Variants in RAB3GAP1 observed in about 807,000 individuals in gnomAD.
RAB3GAP1 encodes the protein RAB3 GTPase activating protein catalytic subunit 1, also known as rab3 GTPase-activating protein catalytic subunit.
In RAB3GAP1, 86 loss-of-function variants were observed where a neutral mutation model predicts 130.7. That is an observed-to-expected ratio of 0.66 (90% CI 0.55 to 0.79). The LOEUF is 0.79. Ranked by LOEUF, RAB3GAP1 falls within the 30% of genes least tolerant of loss-of-function variation. RAB3GAP1 has a pLI of 0.00. For missense variants in RAB3GAP1, 1,029 were observed against 1,169.4 expected, an observed-to-expected ratio of 0.88 and a Z score of 1.75; for synonymous variants, 367 against 401.7, an observed-to-expected ratio of 0.91 and a Z score of 1.03.
chr2:135,130,910 T>C (rs1208815573), intron 13 of RAB3GAP1, among the ~76,000 whole-genome samples, 189 bp downstream of exon 13: 1 of 152,234 alleles, frequency 6.6e-6, no homozygotes, highest in Non-Finnish European at 1.5e-5. Flanking sequence ...CCATGTTGCA[T>C]GTGAGAAATC....
chr2:135,075,684 G>A (rs1416229223), intron 3 of RAB3GAP1, among the ~76,000 whole-genome samples: 3 of 140,524 alleles, frequency 2.1e-5, no homozygotes, highest in Admixed American at 1.4e-4. Context: ...TTTTTGGGGG[G>A]GGTCACTATT....
chr2:135,157,945 G>A (rs1030844183), intron 19 of RAB3GAP1, among the ~76,000 whole-genome samples: 1 of 152,056 alleles, frequency 6.6e-6, no homozygotes, highest in African/African-American at 2.4e-5. Flanking sequence ...ATTATTGGTT[G>A]GGTGAAGTGA....
At chr2:135,072,166 C>T (rs1689493804) in intron 3 of RAB3GAP1, among the ~76,000 whole-genome samples, 2 of 152,194 alleles carry the variant, frequency 1.3e-5, no homozygotes, top group East Asian at 3.9e-4. Context: ...CTACCTCAGC[C>T]TCCCAAAGTG....
chr2:135,171,081 G>C (rs919184368), downstream of RAB3GAP1, among the ~76,000 whole-genome samples: 9 of 151,920 alleles, frequency 5.9e-5, no homozygotes, highest in African/African-American at 1.9e-4. Flanking sequence ...ACTGACAGGA[G>C]GGGGCAGAAA....
chr2:135,071,937 G>A (rs1411973311), intron 3 of RAB3GAP1, among the ~76,000 whole-genome samples: 1 of 152,096 alleles, frequency 6.6e-6, no homozygotes, highest in Non-Finnish European at 1.5e-5. Flanking sequence ...TTTTTGAAAT[G>A]AGTCTCGCTT....
chr2:135,055,621 T>C (rs975047638), intron 2 of RAB3GAP1, among the ~76,000 whole-genome samples: 40 of 147,852 alleles, frequency 2.7e-4, no homozygotes, highest in Non-Finnish European at 3.9e-4. Flanking sequence ...AGAACTGCAG[T>C]GAGCTGTGAT....
intron 3 of RAB3GAP1, among the ~76,000 whole-genome samples, chr2:135,077,086 A>G (rs1448602463): frequency 6.6e-6 from 1 of 152,152 alleles, no homozygotes; most frequent in Non-Finnish European, 1.5e-5. Flanking sequence ...CCTGGCCAAC[A>G]TGATGAAACC....
intron 4 of RAB3GAP1, among the ~76,000 whole-genome samples, 189 bp from the exon 5 acceptor site, chr2:135,093,426 T>C (rs1434237452): frequency 1.3e-5 from 2 of 152,178 alleles, no homozygotes; most frequent in Non-Finnish European, 2.9e-5. Flanking sequence ...TATAGGCTAC[T>C]TTTATTTGAA....
intron 5 of RAB3GAP1, among the ~76,000 whole-genome samples, chr2:135,095,071 CAG>C (rs1463680995): frequency 5.3e-5 from 8 of 152,072 alleles, no homozygotes; most frequent in East Asian, 3.9e-4. Flanking sequence ...TTTTGTGAAA[CAG>C]AGTCTCACTC....
intron 3 of RAB3GAP1, among the ~76,000 whole-genome samples, chr2:135,075,992 C>T (rs1306013336): frequency 6.6e-6 from 1 of 151,164 alleles, no homozygotes; most frequent in Non-Finnish European, 1.5e-5. Flanking sequence ...CTCACTGCAG[C>T]CTTCGCCTCC....
At chr2:135,084,171 G>C (rs1375628606) in intron 3 of RAB3GAP1, among the ~76,000 whole-genome samples, 4 of 152,078 alleles carry the variant, frequency 2.6e-5, no homozygotes, top group Non-Finnish European at 5.9e-5. Flanking sequence ...CTTGAACCCG[G>C]GAGGCAGAGG....
intron 17 of RAB3GAP1, among the ~76,000 whole-genome samples, chr2:135,139,957 T>G (rs1374433039): frequency 6.6e-6 from 1 of 152,236 alleles, no homozygotes; most frequent in Non-Finnish European, 1.5e-5. Flanking sequence ...CTTTGCTTAC[T>G]CTTTTGTATA....
chr2:135,145,128 T>C (rs1166437988), intron 17 of RAB3GAP1, among the ~76,000 whole-genome samples: 2 of 152,226 alleles, frequency 1.3e-5, no homozygotes, highest in Non-Finnish European at 2.9e-5. Flanking sequence ...GCTATTTTGT[T>C]ACATGCATAG....
At chr2:135,122,840 G>C (rs1691242993) in intron 8 of RAB3GAP1, among the ~76,000 whole-genome samples, 1 of 152,094 alleles carries the variant, frequency 6.6e-6, no homozygotes, top group Non-Finnish European at 1.5e-5. Context: ...TCTTGCCTCA[G>C]CCTCAGCCTC....
chr2:135,053,623 A>G (rs1013325197), intron 2 of RAB3GAP1, among the ~76,000 whole-genome samples: 1 of 152,218 alleles, frequency 6.6e-6, no homozygotes, highest in Non-Finnish European at 1.5e-5. Flanking sequence ...CCTTGTTGGA[A>G]TAATAGTTAG....
chr2:135,148,690 T>TA (rs1692078722), intron 17 of RAB3GAP1, among the ~76,000 whole-genome samples: 2 of 143,318 alleles, frequency 1.4e-5, no homozygotes, highest in Non-Finnish European at 3.0e-5. Context: ...TTTTTTTTTT[T>TA]AAGTAGAGAT....
In RAB3GAP1 at chr2:135,124,597, A is replaced by G. The variant is rs533392084; in HGVS notation, c.830+351A>G. Among the ~76,000 whole-genome samples the G allele has an allele frequency of 8.4e-4, 128 of 152,302 alleles. 1 individual carries two copies. The highest frequency in any genetic ancestry group is 1.7e-3 in the Non-Finnish European group (117 of 68,016). On this transcript the variant is annotated intron_variant, in intron 9 of 23. Coordinates refer to ENST00000264158, the MANE Select transcript of RAB3GAP1 (RefSeq NM_012233.3). ...CAAGAATCACTTGAACCCGGCAGGC[A>G]GAGGTTGCAGTGAGCTAAGATCACG...
intron 24 of RAB3GAP1, among the ~76,000 whole-genome samples, chr2:135,175,874 C>T (rs1692990727): frequency 6.6e-6 from 1 of 152,062 alleles, no homozygotes; most frequent in Non-Finnish European, 1.5e-5. Context: ...GCAAGGTTTC[C>T]AGAGAGAAAA....
intron 5 of RAB3GAP1, among the ~76,000 whole-genome samples, chr2:135,112,826 T>TCA (rs771767425): frequency 2.3e-3 from 300 of 129,996 alleles, no homozygotes; most frequent in African/African-American, 7.6e-3. Flanking sequence ...TCTCTCTCTC[T>TCA]CTCTCTCTCA....
Sources: gnomAD v4.1 joint callset for allele counts (sites outside exome capture counted in the v4.1 genomes callset) on GRCh38, gnomAD v4.1.1 for gene constraint, MANE v1.5 for transcripts, NCBI Gene and HGNC (gene_info 2026-07-23, HGNC 2026-07-21) for gene names.